Variants in PPP1R3A observed in about 807,000 individuals in gnomAD.
The protein encoded by PPP1R3A is RG1.
Under a neutral mutation model 41.7 loss-of-function variants are expected in PPP1R3A, and 29 were observed. The observed-to-expected ratio is 0.70, with a 90% CI of 0.52 to 0.95. PPP1R3A has a LOEUF of 0.95. Among genes scored for constraint, PPP1R3A ranks in the 40% least tolerant of loss-of-function variants. PPP1R3A has a pLI of 0.00. For synonymous variants in PPP1R3A, 485 were observed against 453.4 expected (o/e 1.07, Z -0.89); for missense variants, 1,352 against 1,292.4 (o/e 1.05, Z -0.71).
intron 1 of PPP1R3A, among the ~76,000 whole-genome samples, chr7:113,905,802 A>C (rs1040039115): frequency 6.6e-6 from 1 of 151,980 alleles, no homozygotes; most frequent in Non-Finnish European, 1.5e-5. Flanking sequence ...CATAAGCGTC[A>C]GCACTAATAT....
chr7:113,885,450 G>C (rs1034706534), intron 1 of PPP1R3A, among the ~76,000 whole-genome samples: 4 of 152,088 alleles, frequency 2.6e-5, no homozygotes, highest in Admixed American at 6.6e-5. Context: ...TTATATAAAT[G>C]ATGACCACTA....
chr7:113,880,029 C>T lies in PPP1R3A; in HGVS notation c.1063G>A (p.Gly355Arg). 1 of 1,611,476 alleles carries T rather than the reference C, an allele frequency of 6.2e-7. No individual in the cohort carries two copies. Among genetic ancestry groups the T allele is most frequent in the Non-Finnish European group, 8.5e-7 (1 of 1,177,992 alleles). Residue 355 changes from glycine to arginine, a missense_variant, in exon 4 of 4, where the codon GGG (glycine) becomes AGG (arginine). Physicochemically the swap from Gly to Arg is moderately radical, Grantham distance 125. Coordinates refer to ENST00000284601, the MANE Select transcript of PPP1R3A (RefSeq NM_002711.4). ...DPVNFPNKAE[G>R]LEKKQIHGEI... ...CCATGGATTTGCTTCTTCTCTAACCCCTCTGCTTTATTTGGAAAATTGACT... is the reference window on the plus strand; with the variant it reads ...CCATGGATTTGCTTCTTCTCTAACCTCTCTGCTTTATTTGGAAAATTGACT...
Position 113,879,340 on chromosome 7 carries a change from T to C in PPP1R3A, c.1752A>G (p.Ser584=). 2 of 1,613,630 alleles carry C rather than the reference T, an allele frequency of 1.2e-6. No individual in the cohort carries two copies. Among genetic ancestry groups the C allele is most frequent in the African/African-American group, 2.7e-5 (2 of 75,012 alleles). The change falls in exon 4 of 4, where the codon TCA becomes TCG. Residue 584 remains serine, a synonymous_variant. Coordinates refer to ENST00000284601, the MANE Select transcript of PPP1R3A (RefSeq NM_002711.4). ...TRAITADVSH[S]PRTNLSWEEA... Reference sequence around the variant, plus strand: ...CTTCCCAACTTAAATTTGTCCTTGGTGAATGAGACACATCTGCTGTGATTG... The same window carrying C: ...CTTCCCAACTTAAATTTGTCCTTGGCGAATGAGACACATCTGCTGTGATTG...
intron 1 of PPP1R3A, among the ~76,000 whole-genome samples, chr7:113,903,603 T>A (rs1797100143): frequency 6.6e-6 from 1 of 151,682 alleles, no homozygotes; most frequent in Admixed American, 6.6e-5. Flanking sequence ...AGTTGGGAAA[T>A]CATACTCAAT....
chr7:113,902,866 G>A (rs951707296), intron 1 of PPP1R3A, among the ~76,000 whole-genome samples: 9 of 151,744 alleles, frequency 5.9e-5, no homozygotes, highest in African/African-American at 1.9e-4. Context: ...TTTTGCTAAT[G>A]TATCCTCAGT....
intron 1 of PPP1R3A, among the ~76,000 whole-genome samples, chr7:113,888,369 G>A (rs1796823097): frequency 6.6e-6 from 1 of 152,070 alleles, no homozygotes; most frequent in South Asian, 2.1e-4. Flanking sequence ...GGCACAAAAT[G>A]ATAAGGGCAA....
chr7:113,884,614 A>T (rs947678280), intron 1 of PPP1R3A, among the ~76,000 whole-genome samples: 1 of 152,102 alleles, frequency 6.6e-6, no homozygotes, highest in Admixed American at 6.6e-5. Context: ...AGTAGAAAAT[A>T]TATGTGAATA....
At chr7:113,889,718 T>C (rs188277758) in intron 1 of PPP1R3A, among the ~76,000 whole-genome samples, 66 of 152,296 alleles carry the variant, frequency 4.3e-4, no homozygotes, top group African/African-American at 1.5e-3. Flanking sequence ...TTCCAGGCAA[T>C]AGTTACACTT....
intron 1 of PPP1R3A, among the ~76,000 whole-genome samples, chr7:113,886,933 T>C (rs1467852881): frequency 6.6e-6 from 1 of 152,112 alleles, no homozygotes. Context: ...TACTTTTTGA[T>C]AAAGGAGAGT....
chr7:113,889,159 T>C (rs1796836006), intron 1 of PPP1R3A, among the ~76,000 whole-genome samples: 1 of 152,110 alleles, frequency 6.6e-6, no homozygotes, highest in South Asian at 2.1e-4. Context: ...TGGACAACAA[T>C]GCATCTCACT....
At chr7:113,892,921 G>GT (rs1401918252) in intron 1 of PPP1R3A, among the ~76,000 whole-genome samples, 1 of 151,972 alleles carries the variant, frequency 6.6e-6, no homozygotes, top group Non-Finnish European at 1.5e-5. Context: ...CCGACACATT[G>GT]TTTTTTTGTG....
chr7:113,895,774 A>T (rs911994757), intron 1 of PPP1R3A, among the ~76,000 whole-genome samples: 1 of 151,968 alleles, frequency 6.6e-6, no homozygotes, highest in Admixed American at 6.6e-5. Flanking sequence ...GAACCCTATT[A>T]TTAAACTGGA....
intron 1 of PPP1R3A, among the ~76,000 whole-genome samples, chr7:113,899,900 A>G (rs996823993): frequency 6.6e-6 from 1 of 151,810 alleles, no homozygotes; most frequent in African/African-American, 2.4e-5. Flanking sequence ...ATACTCTGCT[A>G]TTAAGGTTTT....
intron 1 of PPP1R3A, among the ~76,000 whole-genome samples, chr7:113,899,769 C>T (rs1797033519): frequency 6.6e-6 from 1 of 151,644 alleles, no homozygotes; most frequent in African/African-American, 2.4e-5. Flanking sequence ...GGTGTGGGTG[C>T]CTTATTTTTC....
rs1796639046 is a variant in PPP1R3A at position 113,879,347 on chromosome 7, G to A, written c.1745C>T (p.Ser582Phe). The change falls in exon 4 of 4, where the codon TCT becomes TTT. Residue 582 changes from serine to phenylalanine, a missense_variant. Coordinates refer to ENST00000284601, the MANE Select transcript of PPP1R3A (RefSeq NM_002711.4). ...ACTTAAATTTGTCCTTGGTGAATGA[G>A]ACACATCTGCTGTGATTGCCCGGGT... Reference protein sequence around the residue: ...IPTRAITADVSHSPRTNLSWE... With the variant: ...IPTRAITADVFHSPRTNLSWE... 6.2e-7 allele frequency: 1 copy of A among 1,613,604 alleles called. No homozygotes were observed. Among genetic ancestry groups the A allele is most frequent in the Non-Finnish European group, 8.5e-7 (1 of 1,179,734 alleles).
At chr7:113,900,728 TATAAGTATATACTTGTATATACACTTAC>T (rs1797048075) in intron 1 of PPP1R3A, among the ~76,000 whole-genome samples, 1 of 148,434 alleles carries the variant, frequency 6.7e-6, no homozygotes, top group Non-Finnish European at 1.5e-5. Context: ...ACATGATATA[TATAAGTATATACTTGTATATACACTTAC>T]ATAAGTATAT....
intron 1 of PPP1R3A, among the ~76,000 whole-genome samples, chr7:113,899,802 T>C (rs1292501463): frequency 6.6e-6 from 1 of 151,800 alleles, no homozygotes; most frequent in Admixed American, 6.6e-5. Flanking sequence ...GCAGCCAATT[T>C]TGAGACGCAC....
chr7:113,884,575 T>A (rs536678429), intron 1 of PPP1R3A, among the ~76,000 whole-genome samples: 16 of 152,122 alleles, frequency 1.1e-4, no homozygotes, highest in Middle Eastern at 3.4e-3. Flanking sequence ...TGGATTTAGA[T>A]CTTAAATGTC....
At chr7:113,900,535 T>C (rs1054583674) in intron 1 of PPP1R3A, among the ~76,000 whole-genome samples, 4 of 150,852 alleles carry the variant, frequency 2.7e-5, no homozygotes, top group African/African-American at 9.7e-5. Context: ...CAATTTCCAA[T>C]GGTTTGCTTG....
Sources: allele counts gnomAD v4.1 joint callset (sites outside exome capture counted in the v4.1 genomes callset), GRCh38; gene constraint gnomAD v4.1.1; transcripts MANE v1.5; gene names NCBI Gene and HGNC (gene_info 2026-07-23, HGNC 2026-07-21).